Variants in RBFOX1 observed in about 807,000 individuals in gnomAD.
RBFOX1 encodes the protein RNA binding protein fox-1 homolog 1.
Under a neutral mutation model 57.7 loss-of-function variants are expected in RBFOX1, and 8 were observed. The observed-to-expected ratio is 0.14, with a 90% CI of 0.08 to 0.25. The LOEUF is 0.25. Ranked by LOEUF, RBFOX1 falls within the 10% of genes least tolerant of loss-of-function variation. The pLI is 1.00. For synonymous variants in RBFOX1, 326 were observed against 222.4 expected, an observed-to-expected ratio of 1.47 and a Z score of -4.15; for missense variants, 611 against 548.5, an observed-to-expected ratio of 1.11 and a Z score of -1.14.
At chr16:7,385,039 C>T (rs2148142148) in intron 4 of RBFOX1, among the ~76,000 whole-genome samples, 1 of 152,246 alleles carries the variant, frequency 6.6e-6, no homozygotes, top group Admixed American at 6.5e-5. Flanking sequence ...CAGGAAAATA[C>T]CCTAAGAGGA....
At chr16:5,708,038 AAG>A (rs1320841820) in intron 3 of RBFOX1, among the ~76,000 whole-genome samples, 1 of 152,130 alleles carries the variant, frequency 6.6e-6, no homozygotes. Flanking sequence ...TTGTTGTTGA[AAG>A]AGAGAATAAA....
At chr16:6,710,582 T>C (rs1309102399) in intron 3 of RBFOX1, among the ~76,000 whole-genome samples, 2 of 152,242 alleles carry the variant, frequency 1.3e-5, no homozygotes, top group South Asian at 2.1e-4. Context: ...GTTACCGGAA[T>C]AGTACCATTT....
intron 1 of RBFOX1, among the ~76,000 whole-genome samples, chr16:5,288,914 C>G (rs1236419485): frequency 3.3e-5 from 5 of 152,036 alleles, no homozygotes; most frequent in African/African-American, 1.2e-4. Flanking sequence ...GTCATGAGGT[C>G]AGGAGATTGA....
intron 11 of RBFOX1, among the ~76,000 whole-genome samples, chr16:7,632,772 G>A (rs944277609): frequency 1.3e-5 from 2 of 152,170 alleles, no homozygotes; most frequent in East Asian, 1.9e-4. Context: ...ATGGAACTGA[G>A]ACACTCATTT....
chr16:7,224,778 C>T (rs950839534), intron 4 of RBFOX1, among the ~76,000 whole-genome samples: 6 of 152,174 alleles, frequency 3.9e-5, no homozygotes, highest in Admixed American at 2.6e-4. Context: ...CCTCGTTATT[C>T]AAAGTGTGGT....
At chr16:5,811,035 G>T (rs2055407343) in intron 3 of RBFOX1, among the ~76,000 whole-genome samples, 1 of 151,716 alleles carries the variant, frequency 6.6e-6, no homozygotes, top group African/African-American at 2.4e-5. Context: ...CCTCGCTCCT[G>T]CCCCTCCCTG....
chr16:6,940,461 G>C (rs1032629786), intron 3 of RBFOX1, among the ~76,000 whole-genome samples: 1 of 152,196 alleles, frequency 6.6e-6, no homozygotes, highest in Non-Finnish European at 1.5e-5. Flanking sequence ...ACTGACGAGT[G>C]AGTGATGACA....
intron 3 of RBFOX1, among the ~76,000 whole-genome samples, chr16:6,879,161 C>T (rs749526417): frequency 6.6e-6 from 1 of 152,170 alleles, no homozygotes; most frequent in Non-Finnish European, 1.5e-5. Context: ...GACAAAACGG[C>T]TGCAAGAATA....
In RBFOX1 at chr16:7,022,125, C is replaced by T. The variant is rs2039483551; in HGVS notation, c.-15-29932C>T. The stretch of plus-strand genomic sequence containing the variant: ...TCACCCAGATTGGAGTGTGGTGGAG[C>T]AATCTCCACTCACTGCAACCTCTGC... On this transcript the variant is annotated intron_variant, in intron 3 of 15. Coordinates refer to ENST00000550418, the MANE Select transcript of RBFOX1 (RefSeq NM_018723.4). Among the ~76,000 whole-genome samples the T allele has an allele frequency of 2.1e-5, 3 of 144,970 alleles. No homozygotes were observed. The Admixed American group carries it at 2.1e-4, about 10-fold the overall frequency.
chr16:5,450,410 C>A (rs61093099), intron 1 of RBFOX1, among the ~76,000 whole-genome samples: 1 of 151,924 alleles, frequency 6.6e-6, no homozygotes, highest in Non-Finnish European at 1.5e-5. Context: ...ATGCAGACCA[C>A]AGGGAATTTG....
intron 3 of RBFOX1, among the ~76,000 whole-genome samples, chr16:6,930,200 A>C (rs1205708325): frequency 6.6e-6 from 1 of 152,236 alleles, no homozygotes; most frequent in African/African-American, 2.4e-5. Flanking sequence ...AATATTGAGA[A>C]TATATTGAGA....
intron 3 of RBFOX1, among the ~76,000 whole-genome samples, chr16:6,758,543 A>G (rs2076151561): frequency 6.6e-6 from 1 of 152,126 alleles, no homozygotes; most frequent in Non-Finnish European, 1.5e-5. Context: ...ATATCATTCA[A>G]AACAGAATAT....
intron 1 of RBFOX1, among the ~76,000 whole-genome samples, chr16:6,219,469 C>T (rs1436485272): frequency 2.0e-5 from 3 of 151,766 alleles, no homozygotes; most frequent in African/African-American, 2.4e-5. Flanking sequence ...AAATATGTCT[C>T]GGTCAAGTCT....
chr16:7,105,427 A>G (rs2063404622), intron 4 of RBFOX1, among the ~76,000 whole-genome samples: 1 of 151,800 alleles, frequency 6.6e-6, no homozygotes, highest in East Asian at 1.9e-4. Context: ...TACACCCATC[A>G]CTCAAGCAGT....
At chr16:5,289,471 G>A (rs1281874206) in intron 1 of RBFOX1, 1 of 215,924 alleles carries the variant, frequency 4.6e-6, no homozygotes, top group East Asian at 1.0e-4. Context: ...TAAAAAGAAA[G>A]CAAAGTATTT....
chr16:6,583,405 G>A (rs2097564797), intron 2 of RBFOX1, among the ~76,000 whole-genome samples: 1 of 152,224 alleles, frequency 6.6e-6, no homozygotes, highest in African/African-American at 2.4e-5. Flanking sequence ...ATCAACAAAT[G>A]TCTGCTCCTT....
chr16:5,333,085 G>A (rs181356074), intron 1 of RBFOX1, among the ~76,000 whole-genome samples: 237 of 152,280 alleles, frequency 1.6e-3, no homozygotes, highest in Non-Finnish European at 3.1e-3. Flanking sequence ...CTACTCAGGA[G>A]ACTGAGACAG....
At chr16:6,296,678 C>T (rs879739010) in intron 1 of RBFOX1, among the ~76,000 whole-genome samples, 5 of 152,174 alleles carry the variant, frequency 3.3e-5, no homozygotes, top group African/African-American at 1.2e-4. Context: ...CCTCGGCCTC[C>T]CAAAGTGCTG....
intron 3 of RBFOX1, among the ~76,000 whole-genome samples, chr16:5,637,203 A>G (rs772833723): frequency 8.5e-5 from 13 of 152,240 alleles, no homozygotes; most frequent in Admixed American, 2.0e-4. Flanking sequence ...CTGAGAAAGA[A>G]GCAAATCAGC....
Sources: gnomAD v4.1 joint callset for allele counts (sites outside exome capture counted in the v4.1 genomes callset) on GRCh38, gnomAD v4.1.1 for gene constraint, MANE v1.5 for transcripts, NCBI Gene and HGNC (gene_info 2026-07-23, HGNC 2026-07-21) for gene names.